Variants in PTPRS observed in about 807,000 individuals in gnomAD.
PTPRS encodes receptor-type tyrosine-protein phosphatase S.
PTPRS carries 63 observed loss-of-function variants against 215.3 expected under a neutral mutation model. The ratio of observed to expected loss-of-function variants is 0.29; its 90% CI spans 0.24 to 0.36. The LOEUF is 0.36. Among genes scored for constraint, PTPRS ranks in the 10% least tolerant of loss-of-function variants. The pLI, the probability that PTPRS is intolerant of heterozygous loss-of-function variation, is 1.00. For missense variants in PTPRS, 2,258 were observed against 2,825.8 expected (o/e 0.80, Z 4.56); for synonymous variants, 1,404 against 1,191.4 (o/e 1.18, Z -3.68).
chr19:5,321,903 T>C (rs548539386), intron 1 of PTPRS, among the ~76,000 whole-genome samples: 1 of 151,444 alleles, frequency 6.6e-6, no homozygotes, highest in South Asian at 2.1e-4. Context: ...CATTTCCACA[T>C]AGGTAAGCTG....
intron 9 of PTPRS, among the ~76,000 whole-genome samples, chr19:5,254,407 G>A (rs1005668340): frequency 3.3e-5 from 5 of 150,146 alleles, no homozygotes; most frequent in Non-Finnish European, 5.9e-5. Context: ...AAATCTACAC[G>A]GATATTTTAT....
intron 1 of PTPRS, among the ~76,000 whole-genome samples, chr19:5,292,972 G>A (rs2048958637): frequency 6.6e-6 from 1 of 152,146 alleles, no homozygotes; most frequent in African/African-American, 2.4e-5. Context: ...GCGCCAGGCA[G>A]CAGCAGGCCC....
intron 1 of PTPRS, among the ~76,000 whole-genome samples, chr19:5,309,697 C>A (rs1463035669): frequency 1.3e-5 from 2 of 151,974 alleles, no homozygotes; most frequent in East Asian, 3.9e-4. Context: ...GGGAGTCGTT[C>A]TTGACTCATC....
Position 5,221,066 on chromosome 19 carries a change from G to T in PTPRS, c.3389C>A (p.Pro1130His). ...NLLNGKPSVAPKPDADGFIMV... is the reference protein window; with the variant it reads ...NLLNGKPSVAHKPDADGFIMV... ...GATGAAGCCGTCAGCATCAGGCTTGGGGGCGACGCTGGGCTTGCCGTTGAG... is the reference window on the plus strand; with the variant it reads ...GATGAAGCCGTCAGCATCAGGCTTGTGGGCGACGCTGGGCTTGCCGTTGAG... The change falls in exon 20 of 38, where the codon CCC becomes CAC. Residue 1130 changes from proline (P) to histidine (H), a missense_variant. Around this residue, in one of 6 missense-constraint regions of PTPRS, gnomAD observed 927 missense variants for 1,125.9 expected, o/e 0.82. Coordinates refer to ENST00000262963, the MANE Select transcript of PTPRS (RefSeq NM_002850.4). 1 of 1,613,924 alleles carries T rather than the reference G, an allele frequency of 6.2e-7. No individual in the cohort carries two copies. Among genetic ancestry groups the T allele is most frequent in the Middle Eastern group, 1.7e-4 (1 of 6,060 alleles).
chr19:5,305,457 G>C (rs1387909665), intron 1 of PTPRS, among the ~76,000 whole-genome samples: 1 of 152,150 alleles, frequency 6.6e-6, no homozygotes, highest in African/African-American at 2.4e-5. Context: ...TGAAGCAGGA[G>C]GATCACTTGA....
rs918654148 is a variant in PTPRS, at chr19:5,237,399, TG to T, written c.1849+1519del. Among the ~76,000 whole-genome samples the T allele has an allele frequency of 6.6e-6, 1 of 152,226 alleles. No homozygotes were observed. Among genetic ancestry groups the T allele is most frequent in the African/African-American group, 2.4e-5 (1 of 41,476 alleles). On this transcript the variant is annotated intron_variant, in intron 13 of 37. Coordinates refer to ENST00000262963, the MANE Select transcript of PTPRS (RefSeq NM_002850.4). The surrounding 1 kb of genome is among the most constrained non-coding windows in gnomAD (Gnocchi z 4.2). ...GTCCCTTCTCCCCAACTCCCTGTCCTGGGCCGCCCCGGAGGTTCGCGTGGCT... is the reference window on the plus strand; with the variant it reads ...GTCCCTTCTCCCCAACTCCCTGTCCTGGCCGCCCCGGAGGTTCGCGTGGCT...
rs2041822308 is a variant in PTPRS at position 5,219,873 on chromosome 19, TG to T, written c.3765+65del. 5 of 1,541,124 alleles carry T rather than the reference TG, an allele frequency of 3.2e-6. No individual in the cohort carries two copies. In the Admixed American group the frequency reaches 6.9e-5, roughly 21 times the overall value. ...TGACTGACCACAGAGGTCAGGGCCC[TG>T]GGGAATGGGGTCTGCCTCATTCAGA... is the stretch of plus-strand genomic sequence containing the variant. On this transcript the variant is annotated intron_variant, in intron 22 of 37. Transcript: ENST00000262963.
At position 5,210,470 on chromosome 19, in the gene PTPRS, C is replaced by T. The variant is rs747402108; in HGVS notation, c.5486G>A (p.Arg1829Gln). Residue 1829 changes from arginine (R) to glutamine (Q), a missense_variant and splice_region_variant, in exon 35 of 38, where the codon CGG (arginine) becomes CAG (glutamine). Arg to Gln is a conservative substitution (Grantham distance 43). Coordinates refer to ENST00000262963, the MANE Select transcript of PTPRS (RefSeq NM_002850.4). This position sits in a 1 kb window ranked among gnomAD's most constrained non-coding sequence, Gnocchi z 4.5. ...ILREFKVTDA[R>Q]DGQSRTVRQF... ...CCGCCAGTCTGTCTCTTCACTCACC[C>T]GGGCATCTGTGACCTTGAACTCTCG... 5.0e-6 allele frequency: 8 copies of T among 1,614,016 alleles called. No individual in the cohort carries two copies. The highest frequency in any genetic ancestry group is 2.2e-5 in the East Asian group (1 of 44,892).
chr19:5,261,370 A>G (rs958262537), intron 6 of PTPRS, among the ~76,000 whole-genome samples: 14 of 152,184 alleles, frequency 9.2e-5, no homozygotes, highest in Non-Finnish European at 1.6e-4. Flanking sequence ...TGTCACAGAC[A>G]GGCCGAGTAG....
rs1393412538 is a variant in PTPRS at position 5,210,364 on chromosome 19, A to G, written c.5487+105T>C. On this transcript the variant is annotated intron_variant, in intron 35 of 37. Coordinates refer to ENST00000262963, the MANE Select transcript of PTPRS (RefSeq NM_002850.4). This position sits in a 1 kb window ranked among gnomAD's most constrained non-coding sequence, Gnocchi z 4.5. ...CAGCTGACACTTCTCCTGATTCCCA[A>G]TGCTTATGCCTAACCCTTGGCCTTT... 1.8e-5 allele frequency: 27 copies of G among 1,506,354 alleles called. No homozygotes were observed. The highest frequency in any genetic ancestry group is 1.2e-4 in the African/African-American group (9 of 72,536). The allele number at this position is 1,506,354 out of a possible 1,614,324, so 93.3% of individuals were successfully genotyped here.
chr19:5,243,881 C>G lies in PTPRS; in HGVS notation c.1570+20G>C. The G allele has an allele frequency of 6.8e-7, 1 of 1,461,810 alleles. No homozygotes were observed. Among genetic ancestry groups the G allele is most frequent in the Non-Finnish European group, 9.0e-7 (1 of 1,110,300 alleles). 90.6% of individuals were successfully genotyped at this position (1,461,810 alleles called of 1,614,324 possible). A position where few individuals can be genotyped will look rare whatever the true frequency, so the allele number is the denominator to read the frequency against. Reference sequence around the variant, plus strand: ...AGCCGCACGGCCGGGGCCCCGAGTCCTGCCGACCCCACGCCTCACCTCCCT... The same window carrying G: ...AGCCGCACGGCCGGGGCCCCGAGTCGTGCCGACCCCACGCCTCACCTCCCT... On this transcript the variant is annotated intron_variant, in intron 11 of 37. Transcript: ENST00000262963.
chr19:5,281,992 C>T (rs1325706425), intron 2 of PTPRS, among the ~76,000 whole-genome samples: 1 of 152,186 alleles, frequency 6.6e-6, no homozygotes, highest in Non-Finnish European at 1.5e-5. Flanking sequence ...TGGATTACTG[C>T]AGGCCCGGTC....
intron 1 of PTPRS, among the ~76,000 whole-genome samples, chr19:5,321,832 C>T (rs2050031415): frequency 6.6e-6 from 1 of 152,068 alleles, no homozygotes; most frequent in South Asian, 2.1e-4. Context: ...CCTCATTTTA[C>T]AAACAGGTAA....
intron 4 of PTPRS, among the ~76,000 whole-genome samples, chr19:5,266,773 C>T (rs2046432461): frequency 6.6e-6 from 1 of 151,956 alleles, no homozygotes; most frequent in South Asian, 2.1e-4. Context: ...CTGCCACCTT[C>T]CCTCCTCTTT....
At chr19:5,219,825 C>G (rs1408253700) in intron 22 of PTPRS, 114 bp downstream of exon 22, 19 of 1,241,520 alleles carry the variant, frequency 1.5e-5, no homozygotes, top group Non-Finnish European at 1.7e-5. Context: ...CTCTGCCCAG[C>G]TCTGACCACA....
At chr19:5,239,404 GAGAT>G (rs1240578465) in intron 12 of PTPRS, among the ~76,000 whole-genome samples, 1 of 151,692 alleles carries the variant, frequency 6.6e-6, no homozygotes, top group Non-Finnish European at 1.5e-5. Flanking sequence ...CACAGTGACA[GAGAT>G]AGAGACAGAG....
rs558350423 is a variant in PTPRS at position 5,210,873 on chromosome 19, C to G, written c.5235-68G>C. The G allele has an allele frequency of 1.3e-6, 2 of 1,562,960 alleles. No individual in the cohort carries two copies. Among genetic ancestry groups the G allele is most frequent in the South Asian group, 2.4e-5 (2 of 83,590 alleles). The stretch of plus-strand genomic sequence containing the variant: ...CCGGCGTGGTACTCACCTGATGCTG[C>G]CCGGGAGGGTCAGGACCAAGCCAGT... On this transcript the variant is annotated intron_variant, in intron 33 of 37. Transcript: ENST00000262963. This position sits in a 1 kb window ranked among gnomAD's most constrained non-coding sequence, Gnocchi z 4.5.
At chr19:5,266,077 A>G (rs1850007646) in intron 4 of PTPRS, among the ~76,000 whole-genome samples, 1 of 152,102 alleles carries the variant, frequency 6.6e-6, no homozygotes, top group Admixed American at 6.5e-5. Context: ...CCTGGCCCAC[A>G]TGGTGAAACA....
chr19:5,301,397 C>A (rs1204290024), intron 1 of PTPRS, among the ~76,000 whole-genome samples: 3 of 151,882 alleles, frequency 2.0e-5, no homozygotes, highest in Non-Finnish European at 2.9e-5. Context: ...CTCCCTGCAC[C>A]CTCTGCCTCC....
Sources: gnomAD v4.1 joint callset for allele counts (sites outside exome capture counted in the v4.1 genomes callset) on GRCh38, gnomAD v4.1.1 for gene constraint, gnomAD v4.1.1 regional missense constraint, Gnocchi (gnomAD v3.1) non-coding constraint, MANE v1.5 for transcripts, NCBI Gene and HGNC (gene_info 2026-07-23, HGNC 2026-07-21) for gene names.